The following DLG2 variants were observed in gnomAD, a reference collection of about 807,000 sequenced individuals.
The protein encoded by DLG2 is discs large MAGUK scaffold protein 2.
Under a neutral mutation model 132.5 loss-of-function variants are expected in DLG2, and 45 were observed. The ratio of observed to expected loss-of-function variants is 0.34; its 90% CI spans 0.27 to 0.44. The LOEUF (loss-of-function observed/expected upper bound fraction) is 0.44, where lower values mean the gene tolerates loss of function less well. DLG2 is among the 20% of genes least tolerant of loss of function. The pLI, the probability that DLG2 is intolerant of heterozygous loss-of-function variation, is 1.00. For synonymous variants in DLG2, 424 were observed against 419.6 expected, an observed-to-expected ratio of 1.01 and a Z score of -0.13; for missense variants, 1,045 against 1,196.9, an observed-to-expected ratio of 0.87 and a Z score of 1.87.
intron 18 of DLG2, among the ~76,000 whole-genome samples, chr11:83,667,702 G>A (rs966419991): frequency 2.0e-5 from 3 of 152,098 alleles, no homozygotes; most frequent in Admixed American, 6.5e-5. Context: ...GGAAGAGGCC[G>A]GGCGCAGTGG....
At position 85,483,955 on chromosome 11, in the gene DLG2, A is replaced by G. The variant is rs113729130; in HGVS notation, c.40+114702T>C. On this transcript the variant is annotated intron_variant, in intron 3 of 27. Transcript: ENST00000376104. Reference sequence around the variant, plus strand: ...TTTATTAAGGTATATACAATATAAAAAGATGCAAATTGGCCCGGGTCTTCC... The same window carrying G: ...TTTATTAAGGTATATACAATATAAAGAGATGCAAATTGGCCCGGGTCTTCC... 3.1e-3 allele frequency among the ~76,000 whole-genome samples: 466 copies of G among 151,488 alleles called. 3 individuals are homozygous for G. The highest frequency in any genetic ancestry group is 0.011 in the African/African-American group (449 of 41,274).
chr11:84,663,275 T>C (rs1280052626), intron 6 of DLG2, among the ~76,000 whole-genome samples: 1 of 151,206 alleles, frequency 6.6e-6, no homozygotes, highest in East Asian at 1.9e-4. Flanking sequence ...TTCTGCATGG[T>C]CTAGCAATGT....
At chr11:84,563,380 A>G (rs1352447678) in intron 6 of DLG2, among the ~76,000 whole-genome samples, 2 of 152,124 alleles carry the variant, frequency 1.3e-5, no homozygotes, top group Non-Finnish European at 2.9e-5. Context: ...TCTTTTTTTC[A>G]AAAACCCTGG....
At chr11:84,454,366 T>C (rs1001511931) in intron 7 of DLG2, among the ~76,000 whole-genome samples, 10 of 151,454 alleles carry the variant, frequency 6.6e-5, no homozygotes, top group Non-Finnish European at 1.2e-4. Flanking sequence ...CTTTCAAAAA[T>C]GTAAATGTAG....
At chr11:83,712,165 A>C (rs1188645584) in intron 18 of DLG2, among the ~76,000 whole-genome samples, 1 of 152,158 alleles carries the variant, frequency 6.6e-6, no homozygotes, top group African/African-American at 2.4e-5. Flanking sequence ...TTGGGTATAC[A>C]CCTAAAGGAA....
intron 8 of DLG2, among the ~76,000 whole-genome samples, chr11:84,248,674 G>A (rs997747755): frequency 6.6e-6 from 1 of 152,048 alleles, no homozygotes; most frequent in Admixed American, 6.6e-5. Context: ...GGCCAACATG[G>A]CAAAAACTCG....
chr11:85,532,414 C>T (rs931442264), intron 3 of DLG2, among the ~76,000 whole-genome samples: 17 of 152,170 alleles, frequency 1.1e-4, no homozygotes, highest in Non-Finnish European at 2.1e-4. Flanking sequence ...AGTGATTCTG[C>T]CACAGATCAC....
intron 3 of DLG2, among the ~76,000 whole-genome samples, chr11:85,307,045 A>G (rs1418193970): frequency 6.6e-6 from 1 of 152,222 alleles, no homozygotes; most frequent in African/African-American, 2.4e-5. Flanking sequence ...AAAATACTGC[A>G]AGAAATAAGC....
At chr11:84,208,341 C>CTTTTTTT (rs775828270) in intron 8 of DLG2, among the ~76,000 whole-genome samples, 1 of 122,788 alleles carries the variant, frequency 8.1e-6, no homozygotes, top group Admixed American at 8.8e-5. Flanking sequence ...TCAGAATAAA[C>CTTTTTTT]TTTTTTTTTT....
In DLG2 at chr11:84,620,882, G is replaced by C. The variant is rs945441995; in HGVS notation, c.358-86151C>G. ...CTTGTGTACTGATACCAATAAAATT[G>C]TGCAAAAATAAATGTTGCTGCATTG... is the stretch of plus-strand genomic sequence containing the variant. On this transcript the variant is annotated intron_variant, in intron 6 of 27. Coordinates refer to ENST00000376104, the MANE Select transcript of DLG2 (RefSeq NM_001142699.3). 2.0e-5 allele frequency among the ~76,000 whole-genome samples: 3 copies of C among 152,084 alleles called. No homozygotes were observed. In the South Asian group the frequency reaches 6.2e-4, roughly 32 times the overall value.
At chr11:84,779,484 A>G (rs2071320873) in intron 6 of DLG2, among the ~76,000 whole-genome samples, 1 of 152,086 alleles carries the variant, frequency 6.6e-6, no homozygotes, top group East Asian at 1.9e-4. Context: ...TTTTTTCTAA[A>G]TACAAGATCA....
chr11:85,470,731 C>T (rs985456733), intron 3 of DLG2, among the ~76,000 whole-genome samples: 4 of 151,764 alleles, frequency 2.6e-5, no homozygotes, highest in Non-Finnish European at 5.9e-5. Flanking sequence ...CTGTCTCAAC[C>T]AAAAATAAAA....
At chr11:84,009,891 A>C (rs1212807509) in intron 11 of DLG2, among the ~76,000 whole-genome samples, 1 of 152,080 alleles carries the variant, frequency 6.6e-6, no homozygotes, top group East Asian at 1.9e-4. Context: ...TAAAGATGTT[A>C]AGTAGTTTTC....
At chr11:83,606,548 A>T (rs17145749) in intron 19 of DLG2, among the ~76,000 whole-genome samples, 9,656 of 152,100 alleles carry the variant, frequency 0.063, 885 homozygotes, top group African/African-American at 0.2. Context: ...ACGTCAGCCC[A>T]TACAGTTGTC....
At chr11:84,507,304 A>G (rs533579361) in intron 7 of DLG2, among the ~76,000 whole-genome samples, 21 of 152,336 alleles carry the variant, frequency 1.4e-4, no homozygotes, top group Middle Eastern at 3.4e-3. Flanking sequence ...ATGCTAAAAT[A>G]TAAATAAATA....
intron 6 of DLG2, among the ~76,000 whole-genome samples, chr11:84,827,012 A>T (rs1241542380): frequency 2.6e-5 from 4 of 151,718 alleles, no homozygotes; most frequent in Non-Finnish European, 5.9e-5. Context: ...ACAAAACTCA[A>T]TTTTTTTACT....
chr11:84,723,399 T>G (rs983494749), intron 6 of DLG2, among the ~76,000 whole-genome samples: 1 of 152,190 alleles, frequency 6.6e-6, no homozygotes, highest in African/African-American at 2.4e-5. Flanking sequence ...ACTTTTTATG[T>G]TTAACTTTAA....
At chr11:84,229,499 A>G (rs1415278162) in intron 8 of DLG2, among the ~76,000 whole-genome samples, 7 of 152,224 alleles carry the variant, frequency 4.6e-5, no homozygotes, top group African/African-American at 1.7e-4. Context: ...GTGATATAGA[A>G]TAAGAGAAAT....
chr11:84,482,162 CAACAA>C (rs969852789), intron 7 of DLG2, among the ~76,000 whole-genome samples: 2 of 152,110 alleles, frequency 1.3e-5, no homozygotes, highest in South Asian at 2.1e-4. Flanking sequence ...AAGAGAATTG[CAACAA>C]AACAAAACAA....
Sources: gnomAD v4.1 joint callset for allele counts (sites outside exome capture counted in the v4.1 genomes callset) on GRCh38, gnomAD v4.1.1 for gene constraint, MANE v1.5 for transcripts, NCBI Gene and HGNC (gene_info 2026-07-23, HGNC 2026-07-21) for gene names.